The following GNAS variants were observed in gnomAD, a reference collection of about 807,000 sequenced individuals.
GNAS encodes the protein GNAS complex locus.
A neutral mutation model predicts 54.5 loss-of-function variants in GNAS; 8 were observed. The observed-to-expected ratio is 0.15, with a 90% CI of 0.09 to 0.26. GNAS has a LOEUF of 0.26. Ranked by LOEUF, GNAS falls within the 10% of genes least tolerant of loss-of-function variation. GNAS has a pLI of 1.00. For synonymous variants in GNAS, 204 were observed against 191.4 expected, an observed-to-expected ratio of 1.07 and a Z score of -0.54; for missense variants, 170 against 529.8, an observed-to-expected ratio of 0.32 and a Z score of 6.67.
intron 1 of GNAS, chr20:58,842,386 T>C (rs2085772894): frequency 2.5e-6 from 1 of 398,304 alleles, no homozygotes; most frequent in Non-Finnish European, 4.4e-6. Context: ...TGAATGACGG[T>C]CAGGTTCTTA....
chr20:58,904,303 T>C (rs2090893703), intron 5 of GNAS, among the ~76,000 whole-genome samples: 1 of 152,168 alleles, frequency 6.6e-6, no homozygotes, highest in East Asian at 1.9e-4. Context: ...CAGGTGACCT[T>C]TTTATTAAGA....
At chr20:58,840,290 C>T (rs755729283), upstream of GNAS, 14 of 1,612,424 alleles carry the variant, frequency 8.7e-6, no homozygotes, top group Admixed American at 2.2e-4. The surrounding 1 kb of genome is among the most constrained non-coding windows in gnomAD (Gnocchi z 6.0). Context: ...CCAACAGCGC[C>T]GGAGCTTCCT....
intron 1 of GNAS, among the ~76,000 whole-genome samples, chr20:58,845,793 G>A (rs527593555): frequency 6.6e-6 from 1 of 152,188 alleles, no homozygotes; most frequent in African/African-American, 2.4e-5. Flanking sequence ...TAGTGACTTA[G>A]TTCTCCCAAG....
At position 58,853,862 on chromosome 20, in the gene GNAS, C is replaced by T. The variant is rs781526124; in HGVS notation, c.43+12976C>T. The T allele has an allele frequency of 1.9e-6, 3 of 1,594,012 alleles. No homozygotes were observed. Among genetic ancestry groups the T allele is most frequent in the East Asian group, 2.3e-5 (1 of 43,724 alleles). ...CTGCAGGGGTCCCCGGAGCTCCTCCCGAGGAGCCCCAAGCCCTCAGGCCTG... is the reference window on the plus strand; with the variant it reads ...CTGCAGGGGTCCCCGGAGCTCCTCCTGAGGAGCCCCAAGCCCTCAGGCCTG... On this transcript the variant is annotated intron_variant, in intron 1 of 12. Coordinates refer to the GNAS transcript ENST00000306090. The surrounding 1 kb of genome is among the most constrained non-coding windows in gnomAD (Gnocchi z 4.4).
chr20:58,906,819 C>G (rs145978072), intron 6 of GNAS, among the ~76,000 whole-genome samples: 3 of 152,148 alleles, frequency 2.0e-5, no homozygotes, highest in African/African-American at 7.2e-5. Context: ...CATGAGCCAC[C>G]GTGCCCAGCC....
chr20:58,910,941 T>A lies in GNAS; in HGVS notation c.*112T>A. 9.4e-7 allele frequency: 1 copy of A among 1,065,940 alleles called. No homozygotes were observed. The highest frequency in any genetic ancestry group is 1.4e-6 in the Non-Finnish European group (1 of 702,976). The allele number at this position is 1,065,940 out of a possible 1,614,324, so 66.0% of individuals were successfully genotyped here. On this transcript the variant is annotated 3_prime_UTR_variant, in exon 13 of 13. Coordinates refer to ENST00000371085, the MANE Select transcript of GNAS (RefSeq NM_000516.7). The surrounding 1 kb of genome is among the most constrained non-coding windows in gnomAD (Gnocchi z 5.8). ...TAGGGCATGATTAACAAAGCAACCT[T>A]TCCCTTCCCCCGAGTGATTTTGCGA...
Position 58,853,294 on chromosome 20 carries a change from A to G in GNAS, c.43+12408A>G, listed in dbSNP as rs1185721372. ...GGCGTGCGCAACTGCCTCTACGGCA[A>G]TAATATGTCAGGACAACGCGATATC... On this transcript the variant is annotated intron_variant, in intron 1 of 12. Coordinates refer to the GNAS transcript ENST00000306090. This position sits in a 1 kb window ranked among gnomAD's most constrained non-coding sequence, Gnocchi z 4.4. The G allele has an allele frequency of 7.1e-6, 11 of 1,549,720 alleles. No homozygotes were observed. The African/African-American group carries it at 1.2e-4, about 17-fold the overall frequency.
upstream of GNAS, chr20:58,840,115 G>T: frequency 6.2e-7 from 1 of 1,611,214 alleles, no homozygotes. The surrounding 1 kb of genome is among the most constrained non-coding windows in gnomAD (Gnocchi z 6.0). Flanking sequence ...GGATGGATCG[G>T]AGGTCCCGGG....
At chr20:58,901,569 C>T (rs2090605823) in intron 3 of GNAS, among the ~76,000 whole-genome samples, 1 of 151,624 alleles carries the variant, frequency 6.6e-6, no homozygotes, top group South Asian at 2.1e-4. Flanking sequence ...CCTCCCCACC[C>T]CAGACACCCC....
rs1400226301 is a variant in GNAS, at chr20:58,853,636, C to G, written c.43+12750C>G. 1.2e-6 allele frequency: 2 copies of G among 1,613,358 alleles called. No individual in the cohort carries two copies. Among genetic ancestry groups the G allele is most frequent in the Admixed American group, 3.3e-5 (2 of 60,008 alleles). ...CCTACACTGGAGCAGCCTGGATTCC[C>G]CAGTGGGGTCCATGCAGGCCTTGAG... On this transcript the variant is annotated intron_variant, in intron 1 of 12. Transcript: ENST00000306090. The surrounding 1 kb of genome is among the most constrained non-coding windows in gnomAD (Gnocchi z 4.4).
chr20:58,903,382 C>A, intron 3 of GNAS, 149 bp from the exon 4 acceptor site: 1 of 759,834 alleles, frequency 1.3e-6, no homozygotes, highest in Non-Finnish European at 2.3e-6. Context: ...TATGTTTATT[C>A]AGCTACCTCC....
chr20:58,889,718 C>T (rs1426724846), upstream of GNAS, among the ~76,000 whole-genome samples: 1 of 151,204 alleles, frequency 6.6e-6, no homozygotes, highest in Non-Finnish European at 1.5e-5. Context: ...CCCAGCAGCC[C>T]GAAGCCCGGG....
intron 1 of GNAS, among the ~76,000 whole-genome samples, chr20:58,878,438 C>T (rs1037968222): frequency 3.9e-5 from 6 of 152,152 alleles, no homozygotes; most frequent in South Asian, 2.1e-4. Context: ...AGGTGAATTA[C>T]GGACATTTAC....
In GNAS at chr20:58,840,870, T is replaced by G. The variant is rs775141554; in HGVS notation, c.27T>G (p.Leu9=). The change falls in exon 1 of 13, where the codon CTT becomes CTG. Residue 9 remains leucine, a synonymous_variant. Coordinates refer to the GNAS transcript ENST00000306090. This position sits in a 1 kb window ranked among gnomAD's most constrained non-coding sequence, Gnocchi z 6.0. The stretch of plus-strand genomic sequence containing the variant: ...TGGAGGACGCCGTCCAGATTCTCCT[T>G]GTTTTCATGGATTCAGGTTAGTTGC... The G allele has an allele frequency of 2.5e-6, 4 of 1,612,742 alleles. No individual in the cohort carries two copies. The Admixed American group carries it at 5.0e-5, about 20-fold the overall frequency.
intron 1 of GNAS, 61 bp from the exon 2 acceptor site, chr20:58,895,551 C>T: frequency 1.0e-6 from 1 of 992,458 alleles, no homozygotes; most frequent in Non-Finnish European, 1.6e-6. Context: ...AACAGCAGAC[C>T]TCCCTGCCCA....
chr20:58,882,768 C>CT (rs2088324841), intron 1 of GNAS: 1 of 152,136 alleles, frequency 6.6e-6, no homozygotes, highest in Non-Finnish European at 1.5e-5. Flanking sequence ...ATAATACCCC[C>CT]TTCCCAAGTC....
chr20:58,862,412 G>T (rs1299633571), intron 1 of GNAS, among the ~76,000 whole-genome samples: 1 of 152,006 alleles, frequency 6.6e-6, no homozygotes, highest in Non-Finnish European at 1.5e-5. Flanking sequence ...GCCCACCTTG[G>T]CCTCCCAAAG....
chr20:58,899,917 C>T lies in GNAS; in HGVS notation c.257+932C>T, dbSNP rs545651236. On this transcript the variant is annotated intron_variant, in intron 3 of 12. Transcript: ENST00000371085. Reference sequence around the variant, plus strand: ...ATATTGGGGTCTGGGGACAAAGTAACTGACACATGTTTGTTCATCTGTTTC... The same window carrying T: ...ATATTGGGGTCTGGGGACAAAGTAATTGACACATGTTTGTTCATCTGTTTC... 1.8e-4 allele frequency: 131 copies of T among 717,620 alleles called. 1 individual carries two copies. The highest frequency in any genetic ancestry group is 4.2e-5 in the Non-Finnish European group (16 of 385,108). 44.5% of individuals were successfully genotyped at this position (717,620 alleles called of 1,614,324 possible). A position where few individuals can be genotyped will look rare whatever the true frequency, so the allele number is the denominator to read the frequency against.
intron 1 of GNAS, chr20:58,855,314 G>A (rs960503986): frequency 1.4e-5 from 22 of 1,574,534 alleles, no homozygotes; most frequent in Non-Finnish European, 1.9e-5. Flanking sequence ...ACATGTGTAC[G>A]CACCGCCTGC....
Sources: gnomAD v4.1 joint callset for allele counts (sites outside exome capture counted in the v4.1 genomes callset) on GRCh38, gnomAD v4.1.1 for gene constraint, Gnocchi (gnomAD v3.1) non-coding constraint, MANE v1.5 for transcripts, NCBI Gene and HGNC (gene_info 2026-07-23, HGNC 2026-07-21) for gene names.